CCDC82: variants seen among roughly 807,000 people sequenced by gnomAD.
CCDC82 encodes coiled-coil domain-containing protein 82.
A neutral mutation model predicts 60.6 loss-of-function variants in CCDC82; 47 were observed. The observed-to-expected ratio is 0.77, with a 90% CI of 0.61 to 0.99. The LOEUF is 0.99. Ranked by LOEUF, CCDC82 falls within the 50% of genes least tolerant of loss-of-function variation. The pLI, the probability that CCDC82 is intolerant of heterozygous loss-of-function variation, is 0.00. For missense variants in CCDC82, 588 were observed against 633.0 expected (o/e 0.93, Z 0.76); for synonymous variants, 212 against 207.4 (o/e 1.02, Z -0.19).
intron 5 of CCDC82, among the ~76,000 whole-genome samples, chr11:96,378,169 G>A (rs1184784997): frequency 6.6e-6 from 1 of 151,756 alleles, no homozygotes; most frequent in Non-Finnish European, 1.5e-5. Context: ...GAGATTTTCT[G>A]TACTGTTAAT....
intron 7 of CCDC82, among the ~76,000 whole-genome samples, chr11:96,366,672 C>G (rs147478540): frequency 9.9e-5 from 15 of 152,170 alleles, no homozygotes; most frequent in African/African-American, 3.6e-4. Context: ...GGGAGGATCT[C>G]GAGCCCAGAA....
At chr11:96,361,984 C>T (rs1864685683) in intron 8 of CCDC82, among the ~76,000 whole-genome samples, 2 of 152,152 alleles carry the variant, frequency 1.3e-5, no homozygotes, top group Admixed American at 1.3e-4. Context: ...GTTATCTGAC[C>T]TGATAAATAT....
At chr11:96,374,172 G>A (rs183634037) in intron 5 of CCDC82, among the ~76,000 whole-genome samples, 4 of 152,142 alleles carry the variant, frequency 2.6e-5, no homozygotes, top group African/African-American at 9.7e-5. Flanking sequence ...CCCATTCCTT[G>A]ATCCAACAGT....
chr11:96,371,076 G>T lies in CCDC82; in HGVS notation c.1146C>A (p.Asn382Lys). Residue 382 changes from asparagine to lysine, a missense_variant, in exon 7 of 10, where the codon AAC becomes AAA. Physicochemically the swap from Asn to Lys is moderately conservative, Grantham distance 94. Coordinates refer to ENST00000646818, the MANE Select transcript of CCDC82 (RefSeq NM_024725.4). ...TCTCTAGACGAGGCTGAACAAAGCG[G>T]TTATCCAAATAATGAAGAGATGTTA... is the stretch of plus-strand genomic sequence containing the variant. The part of the protein sequence containing the change: ...DMLTSLHYLD[N>K]RFVQPRLESL... The T allele has an allele frequency of 6.2e-7, 1 of 1,606,730 alleles. No individual in the cohort carries two copies. The highest frequency in any genetic ancestry group is 1.1e-5 in the South Asian group (1 of 89,212).
At chr11:96,371,718 A>C (rs563205889) in intron 6 of CCDC82, among the ~76,000 whole-genome samples, 1 of 152,352 alleles carries the variant, frequency 6.6e-6, no homozygotes, top group East Asian at 1.9e-4. Context: ...TTCCAGATAA[A>C]GTTCAAACTT....
intron 5 of CCDC82, among the ~76,000 whole-genome samples, chr11:96,376,349 G>A (rs759570922): frequency 6.6e-6 from 1 of 151,426 alleles, no homozygotes; most frequent in Non-Finnish European, 1.5e-5. Context: ...TCAGAAACAT[G>A]CTTGTCTCTC....
chr11:96,380,632 T>C (rs1273574720), intron 5 of CCDC82: 1 of 151,824 alleles, frequency 6.6e-6, no homozygotes, highest in Non-Finnish European at 1.5e-5. Flanking sequence ...GGTACATCCA[T>C]ACAATGAAAA....
intron 9 of CCDC82, chr11:96,354,182 T>C (rs990523468): frequency 6.5e-6 from 1 of 152,758 alleles, no homozygotes; most frequent in Admixed American, 6.5e-5. Flanking sequence ...GACACTGTTA[T>C]GAGGGTTCAG....
At chr11:96,357,081 A>G in intron 9 of CCDC82, 1 of 985,492 alleles carries the variant, frequency 1.0e-6, no homozygotes, top group Non-Finnish European at 1.2e-6. Context: ...GGCAGCACAC[A>G]TCACAAAGTA....
intron 9 of CCDC82, chr11:96,358,027 G>A (rs1186371891): frequency 1.0e-6 from 1 of 985,252 alleles, no homozygotes; most frequent in African/African-American, 1.7e-5. Context: ...TCTAGACTGG[G>A]AGACCTCCAC....
intron 6 of CCDC82, among the ~76,000 whole-genome samples, chr11:96,371,841 T>G (rs938658817): frequency 3.9e-5 from 6 of 152,250 alleles, no homozygotes; most frequent in Non-Finnish European, 8.8e-5. Flanking sequence ...TTCCTCATTC[T>G]TCTTTAGCAT....
At chr11:96,353,921 G>A in intron 9 of CCDC82, 1 of 385,248 alleles carries the variant, frequency 2.6e-6, no homozygotes, top group South Asian at 6.4e-5. Flanking sequence ...GCATTGGAAA[G>A]TGATCAAAGT....
Position 96,371,592 on chromosome 11 carries a change from C to T in CCDC82, c.1085-455G>A, listed in dbSNP as rs12278959. ...GTGAGACTCCGTCTCAAAAAGTTCC[C>T]TTTGTAAGCATCAAGCTTTAACATT... On this transcript the variant is annotated intron_variant, in intron 6 of 9. Transcript: ENST00000646818. 3.2e-3 allele frequency among the ~76,000 whole-genome samples: 481 copies of T among 152,270 alleles called. 2 individuals carry two copies. The highest frequency in any genetic ancestry group is 0.011 in the African/African-American group (460 of 41,568).
chr11:96,364,795 T>G, intron 8 of CCDC82, 185 bp downstream of exon 8: 1 of 522,698 alleles, frequency 1.9e-6, no homozygotes, highest in South Asian at 2.5e-5. Flanking sequence ...AAGCACAGTG[T>G]TTTTTGAATT....
chr11:96,364,378 A>G (rs1370279458), intron 8 of CCDC82: 1 of 152,132 alleles, frequency 6.6e-6, no homozygotes, highest in Non-Finnish European at 1.5e-5. Flanking sequence ...CTACTGCTCG[A>G]TAATACTGAG....
chr11:96,364,801 G>T (rs560044541), intron 8 of CCDC82, 179 bp downstream of exon 8: 9 of 529,696 alleles, frequency 1.7e-5, no homozygotes, highest in African/African-American at 7.8e-5. Context: ...AGTGTTTTTT[G>T]AATTCTCTCC....
intron 5 of CCDC82, 82 bp downstream of exon 5, chr11:96,383,187 C>A (rs1451627936): frequency 4.8e-6 from 4 of 824,992 alleles, no homozygotes; most frequent in African/African-American, 3.4e-5. Flanking sequence ...TGATTTAGAA[C>A]ATGATATTAA....
Position 96,383,362 on chromosome 11 carries a change from CT to C in CCDC82, c.897del (p.Val300CysfsTer18). 1 of 1,605,084 alleles carries C rather than the reference CT, an allele frequency of 6.2e-7. No individual in the cohort carries two copies. The highest frequency in any genetic ancestry group is 8.5e-7 in the Non-Finnish European group (1 of 1,174,224). On this transcript the variant is annotated frameshift_variant, in exon 5 of 10. Transcript: ENST00000646818. LOFTEE classifies it high-confidence loss of function. ...TCTTCATCACCCTCCTCATCTTGCACTACAAAGTCATCGATAATATAATCAT... is the reference window on the plus strand; with the variant it reads ...TCTTCATCACCCTCCTCATCTTGCACACAAAGTCATCGATAATATAATCAT... The part of the protein sequence containing the change: ...DGDDYIIDDF[V>X]VQDEEGDEEN...
At position 96,359,176 on chromosome 11, in the gene CCDC82, C is replaced by A; in HGVS notation, c.1383G>T (p.Val461=). 1.3e-6 allele frequency: 2 copies of A among 1,556,426 alleles called. No individual in the cohort carries two copies. The highest frequency in any genetic ancestry group is 1.7e-6 in the Non-Finnish European group (2 of 1,160,972). The change falls in exon 9 of 10, where the codon GTG becomes GTT. Residue 461 remains valine, a splice_region_variant and synonymous_variant. Coordinates refer to ENST00000646818, the MANE Select transcript of CCDC82 (RefSeq NM_024725.4). ...TGGCACAAATTCTGCCAACAGTGAA[C>A]ACCTAAATCAAGAAATAAAGATTGT... ...IDNFMSHDKQ[V]FTVGRICASR... is the part of the protein sequence containing the mutation.
Sources: allele counts gnomAD v4.1 joint callset (sites outside exome capture counted in the v4.1 genomes callset), GRCh38; gene constraint gnomAD v4.1.1; transcripts MANE v1.5; gene names NCBI Gene and HGNC (gene_info 2026-07-23, HGNC 2026-07-21).